The following POU6F2 variants were observed in gnomAD, a reference collection of about 807,000 sequenced individuals.
The protein encoded by POU6F2 is POU class 6 homeobox 2.
Under a neutral mutation model 71.3 loss-of-function variants are expected in POU6F2, and 31 were observed. The ratio of observed to expected loss-of-function variants is 0.43; its 90% CI spans 0.33 to 0.59. The LOEUF (loss-of-function observed/expected upper bound fraction) is 0.59. Among genes scored for constraint, POU6F2 ranks in the 20% least tolerant of loss-of-function variants. The probability of loss-of-function intolerance (pLI) is 0.04; values close to 1 mark genes in which losing one functional copy is unlikely to be tolerated. For synonymous variants in POU6F2, 347 were observed against 355.7 expected, an observed-to-expected ratio of 0.98 and a Z score of 0.27; for missense variants, 783 against 856.8, an observed-to-expected ratio of 0.91 and a Z score of 1.07.
chr7:39,350,122 G>A (rs1010638947), intron 5 of POU6F2, among the ~76,000 whole-genome samples: 14 of 151,686 alleles, frequency 9.2e-5, no homozygotes, highest in African/African-American at 3.2e-4. Flanking sequence ...AGTTCGACAG[G>A]GCTCAGCCCA....
At chr7:39,244,965 G>A (rs1783795288) in intron 4 of POU6F2, among the ~76,000 whole-genome samples, 2 of 152,110 alleles carry the variant, frequency 1.3e-5, no homozygotes, top group Admixed American at 6.6e-5. Flanking sequence ...ATTTCCAGAG[G>A]GATATGAGAA....
At chr7:39,096,683 G>A (rs1246138050) in intron 2 of POU6F2, among the ~76,000 whole-genome samples, 1 of 152,146 alleles carries the variant, frequency 6.6e-6, no homozygotes, top group Non-Finnish European at 1.5e-5. Flanking sequence ...CATTAAAATT[G>A]CACATTTACG....
Position 39,451,681 on chromosome 7 carries a change from G to A in POU6F2, c.1469G>A (p.Ser490Asn). 2 of 1,599,808 alleles carry A rather than the reference G, an allele frequency of 1.3e-6. No homozygotes were observed. Among genetic ancestry groups the A allele is most frequent in the Non-Finnish European group, 1.7e-6 (2 of 1,172,956 alleles). The change falls in exon 8 of 10, where the codon AGC (serine) becomes AAC (asparagine). Residue 490 changes from serine to asparagine, a missense_variant. By Grantham distance (46) the Ser-to-Asn change is conservative. This residue lies in a region of POU6F2 where 572 missense variants were observed against 572.9 expected (regional missense o/e 1.00). Transcript: ENST00000518318. ...TCATCCTCCTCTTCTTCAGCTTTGA[G>A]CGTGGGCCAGTTAGTCAGCAGTAAG... Reference protein sequence around the residue: ...SSSSSSSSALSVGQLVSNPQT... With the variant: ...SSSSSSSSALNVGQLVSNPQT...
intron 8 of POU6F2, among the ~76,000 whole-genome samples, chr7:39,459,508 G>C (rs990371939): frequency 3.3e-5 from 5 of 151,768 alleles, no homozygotes; most frequent in African/African-American, 1.2e-4. Context: ...ACGACAACTA[G>C]AGTTTCCATA....
At chr7:39,109,205 C>T (rs946864443) in intron 2 of POU6F2, among the ~76,000 whole-genome samples, 2 of 152,092 alleles carry the variant, frequency 1.3e-5, no homozygotes, top group Non-Finnish European at 2.9e-5. Context: ...GCTGCCACTG[C>T]ATCTGGCTAA....
At chr7:39,110,920 A>G (rs1487372864) in intron 2 of POU6F2, among the ~76,000 whole-genome samples, 2 of 152,224 alleles carry the variant, frequency 1.3e-5, no homozygotes, top group Non-Finnish European at 2.9e-5. Flanking sequence ...TTATAACACT[A>G]TCATTGGTGA....
At chr7:39,007,084 G>T (rs1789095381) in intron 1 of POU6F2, among the ~76,000 whole-genome samples, 3 of 152,032 alleles carry the variant, frequency 2.0e-5, no homozygotes, top group African/African-American at 2.4e-5. Context: ...TCCATGGGTG[G>T]CATTACAGTT....
intron 2 of POU6F2, among the ~76,000 whole-genome samples, chr7:39,181,554 A>C (rs1793434593): frequency 6.6e-6 from 1 of 152,158 alleles, no homozygotes; most frequent in African/African-American, 2.4e-5. Context: ...TTGGGAGGCA[A>C]TCATTCAACT....
At chr7:39,074,695 G>A (rs1790961338) in intron 1 of POU6F2, among the ~76,000 whole-genome samples, 2 of 152,020 alleles carry the variant, frequency 1.3e-5, no homozygotes, top group Non-Finnish European at 2.9e-5. Flanking sequence ...GGTGGGATGT[G>A]GGGTGGGGAG....
chr7:39,329,313 C>G (rs1785586457), intron 4 of POU6F2, among the ~76,000 whole-genome samples: 1 of 150,094 alleles, frequency 6.7e-6, no homozygotes, highest in Admixed American at 6.7e-5. Context: ...GAAAGCAAGC[C>G]AAGAAGACCT....
At chr7:39,286,009 G>A (rs992074559) in intron 4 of POU6F2, among the ~76,000 whole-genome samples, 1 of 152,236 alleles carries the variant, frequency 6.6e-6, no homozygotes, top group Non-Finnish European at 1.5e-5. Flanking sequence ...GCAAAAGGGT[G>A]AATAGGAGTC....
chr7:39,153,929 A>C (rs889163727), intron 2 of POU6F2, among the ~76,000 whole-genome samples: 1 of 152,208 alleles, frequency 6.6e-6, no homozygotes, highest in Non-Finnish European at 1.5e-5. Context: ...CAGCTAATTT[A>C]ATAAACTCTG....
At chr7:38,989,944 G>A (rs1483878506) in intron 1 of POU6F2, among the ~76,000 whole-genome samples, 1 of 151,884 alleles carries the variant, frequency 6.6e-6, no homozygotes, top group Non-Finnish European at 1.5e-5. Flanking sequence ...CATAGCCTCA[G>A]GAACTCTTTT....
chr7:39,441,050 A>C (rs2190888), intron 7 of POU6F2, among the ~76,000 whole-genome samples: 52,135 of 151,792 alleles, frequency 0.34, 10,118 homozygotes, highest in East Asian at 0.58. Flanking sequence ...TGGAGAACAG[A>C]AAAAATGGGT....
At chr7:39,406,824 T>TA in intron 6 of POU6F2, 84 bp downstream of exon 6, 1 of 1,516,306 alleles carries the variant, frequency 6.6e-7, no homozygotes, top group Admixed American at 1.7e-5. Flanking sequence ...ATGACAGTGA[T>TA]ATGTAACCGC....
At chr7:39,426,163 C>CCAGT (rs1280862816) in intron 6 of POU6F2, among the ~76,000 whole-genome samples, 4 of 152,162 alleles carry the variant, frequency 2.6e-5, no homozygotes, top group African/African-American at 9.7e-5. Flanking sequence ...ATGCTCTCGA[C>CCAGT]CAGTCAGGTT....
intron 1 of POU6F2, among the ~76,000 whole-genome samples, chr7:39,084,070 T>C (rs1791185275): frequency 6.6e-6 from 1 of 152,150 alleles, no homozygotes; most frequent in South Asian, 2.1e-4. Flanking sequence ...ATAAAACCCT[T>C]CAAAAGCCAG....
intron 2 of POU6F2, among the ~76,000 whole-genome samples, chr7:39,128,438 C>T (rs1792188830): frequency 6.6e-6 from 1 of 152,178 alleles, no homozygotes; most frequent in Non-Finnish European, 1.5e-5. Flanking sequence ...CAGAGCTAGG[C>T]AGCTAGCCTG....
chr7:39,333,516 A>G (rs1427137692), intron 4 of POU6F2, among the ~76,000 whole-genome samples: 1 of 152,166 alleles, frequency 6.6e-6, no homozygotes, highest in Non-Finnish European at 1.5e-5. Context: ...AGGCAGGCAG[A>G]TCACGAGGTC....
Sources: gnomAD v4.1 joint callset for allele counts (sites outside exome capture counted in the v4.1 genomes callset) on GRCh38, gnomAD v4.1.1 for gene constraint, gnomAD v4.1.1 regional missense constraint, MANE v1.5 for transcripts, NCBI Gene and HGNC (gene_info 2026-07-23, HGNC 2026-07-21) for gene names.